Variants in GNB5 observed in about 807,000 individuals in gnomAD.
The protein encoded by GNB5 is guanine nucleotide-binding protein subunit beta-5.
GNB5 carries 37 observed loss-of-function variants against 55.3 expected under a neutral mutation model. The ratio of observed to expected loss-of-function variants is 0.67; its 90% CI spans 0.51 to 0.88. GNB5 has a LOEUF of 0.88. Among genes scored for constraint, GNB5 ranks in the 40% least tolerant of loss-of-function variants. The pLI, the probability that GNB5 is intolerant of heterozygous loss-of-function variation, is 0.00. For missense variants in GNB5, 476 were observed against 515.3 expected (o/e 0.92, Z 0.74); for synonymous variants, 219 against 198.5 (o/e 1.10, Z -0.87).
intron 3 of GNB5, among the ~76,000 whole-genome samples, chr15:52,160,212 T>C (rs1261043869): frequency 1.3e-5 from 2 of 152,140 alleles, no homozygotes; most frequent in African/African-American, 4.8e-5. Context: ...CCTCCCAAAG[T>C]GTTGGGATTA....
intron 3 of GNB5, among the ~76,000 whole-genome samples, chr15:52,167,913 C>A (rs1025949807): frequency 6.6e-6 from 1 of 152,032 alleles, no homozygotes; most frequent in African/African-American, 2.4e-5. Flanking sequence ...ACATGATTAC[C>A]TCGATAAGAC....
In GNB5 at chr15:52,121,899, T is replaced by A. The variant is rs2033279896; in HGVS notation, c.*858A>T. ...GAGCCACCGCGCCCGGCCATGAATATAATTTATATGGACAAGATTCACTTT... is the reference window on the plus strand; with the variant it reads ...GAGCCACCGCGCCCGGCCATGAATAAAATTTATATGGACAAGATTCACTTT... On this transcript the variant is annotated 3_prime_UTR_variant, in exon 13 of 13. Transcript: ENST00000261837. 1 of 152,192 alleles carries A rather than the reference T, an allele frequency of 6.6e-6. No individual in the cohort carries two copies. Among genetic ancestry groups the A allele is most frequent in the Non-Finnish European group, 1.5e-5 (1 of 68,042 alleles). 9.4% of individuals were successfully genotyped at this position (152,192 alleles called of 1,614,324 possible). A position where few individuals can be genotyped will look rare whatever the true frequency, so the allele number is the denominator to read the frequency against.
At chr15:52,170,327 G>A (rs1749356126) in intron 3 of GNB5, among the ~76,000 whole-genome samples, 1 of 152,126 alleles carries the variant, frequency 6.6e-6, no homozygotes, top group African/African-American at 2.4e-5. Flanking sequence ...GGTCATCAAT[G>A]ATAGACTGGA....
At position 52,118,971 on chromosome 15, in the gene GNB5, C is replaced by G. The variant is rs1023488931; in HGVS notation, c.*3786G>C. The G allele has an allele frequency of 2.1e-5, 3 of 142,660 alleles. No individual in the cohort carries two copies. The highest frequency in any genetic ancestry group is 3.3e-3 in the Middle Eastern group (1 of 306). 8.8% of individuals were successfully genotyped at this position (142,660 alleles called of 1,614,324 possible). A position where few individuals can be genotyped will look rare whatever the true frequency, so the allele number is the denominator to read the frequency against. Reference sequence around the variant, plus strand: ...CTAACTGATGAGAATTACTAATTTGCTATATGAGTGGGGGCTGCCTATGGA... The same window carrying G: ...CTAACTGATGAGAATTACTAATTTGGTATATGAGTGGGGGCTGCCTATGGA... On this transcript the variant is annotated 3_prime_UTR_variant, in exon 13 of 13. Transcript: ENST00000261837.
At position 52,163,283 on chromosome 15, in the gene GNB5, G is replaced by A. The variant is rs140472939; in HGVS notation, c.239-9207C>T. On this transcript the variant is annotated intron_variant, in intron 3 of 12. Transcript: ENST00000261837. ...AGCGTGGCCACACACGGAGACCCAGGAGTTTTCGCAAACTCCGGCCCAAGA... is the reference window on the plus strand; with the variant it reads ...AGCGTGGCCACACACGGAGACCCAGAAGTTTTCGCAAACTCCGGCCCAAGA... Among the ~76,000 whole-genome samples, 340 of 152,330 alleles carry A rather than the reference G, an allele frequency of 2.2e-3. 3 individuals are homozygous for A. The highest frequency in any genetic ancestry group is 3.7e-3 in the Admixed American group (56 of 15,306).
chr15:52,149,427 C>T, intron 5 of GNB5: 1 of 309,332 alleles, frequency 3.2e-6, no homozygotes, highest in Non-Finnish European at 5.9e-6. Flanking sequence ...GCAAGGGGAT[C>T]AGACTGCATC....
chr15:52,188,179 T>A (rs1021203876), intron 1 of GNB5, among the ~76,000 whole-genome samples: 1 of 152,176 alleles, frequency 6.6e-6, no homozygotes, highest in African/African-American at 2.4e-5. Context: ...CATTGCATAT[T>A]ACTGGAAAAC....
intron 3 of GNB5, among the ~76,000 whole-genome samples, chr15:52,178,251 G>A (rs958706358): frequency 6.6e-6 from 1 of 152,196 alleles, no homozygotes; most frequent in African/African-American, 2.4e-5. Context: ...AATTCTTTGT[G>A]CCTCAGTTTC....
rs571755048 is a variant in GNB5, at chr15:52,159,881, A to G, written c.239-5805T>C. On this transcript the variant is annotated intron_variant, in intron 3 of 12. Transcript: ENST00000261837. ...CTGGCAGGCGTGGTCATTAGAGGTG[A>G]TGTCACTGAAGCCTGGTTTGAAGGA... Among the ~76,000 whole-genome samples the G allele has an allele frequency of 4.0e-4, 61 of 151,744 alleles. 1 individual carries two copies. The South Asian group carries it at 0.012, about 30-fold the overall frequency.
intron 1 of GNB5, 141 bp downstream of exon 1, chr15:52,191,181 G>A (rs1366626693): frequency 2.7e-5 from 3 of 109,878 alleles, no homozygotes; most frequent in South Asian, 2.5e-4. Context: ...TAGATTCTAC[G>A]GATTAACAAC....
In GNB5 at chr15:52,119,206, G is replaced by C. The variant is rs2033204060; in HGVS notation, c.*3551C>G. 7.7e-6 allele frequency: 1 copy of C among 129,184 alleles called. No individual in the cohort carries two copies. The highest frequency in any genetic ancestry group is 2.9e-4 in the South Asian group (1 of 3,408). The allele number at this position is 129,184 out of a possible 1,614,324, so 8.0% of individuals were successfully genotyped here. On this transcript the variant is annotated 3_prime_UTR_variant, in exon 13 of 13. Transcript: ENST00000261837. ...AATGGGGGAAGATTGAGAAGGGTTA[G>C]AAAAAGGAGTCCGGATGAATGAGGA...
At chr15:52,123,284 T>C (rs533715625) in intron 12 of GNB5, among the ~76,000 whole-genome samples, 1 of 152,306 alleles carries the variant, frequency 6.6e-6, no homozygotes, top group African/African-American at 2.4e-5. Context: ...ATATAGAGCA[T>C]CAAATGACTA....
chr15:52,150,351 C>T (rs140254349), intron 4 of GNB5, among the ~76,000 whole-genome samples: 1 of 152,304 alleles, frequency 6.6e-6, no homozygotes, highest in African/African-American at 2.4e-5. Flanking sequence ...ACAACATCTC[C>T]ACTGCTTTGT....
intron 3 of GNB5, among the ~76,000 whole-genome samples, chr15:52,163,758 A>G (rs2034391936): frequency 6.6e-6 from 1 of 152,160 alleles, no homozygotes; most frequent in African/African-American, 2.4e-5. Flanking sequence ...CGGGTCCCTG[A>G]TCCCATTCCT....
At chr15:52,170,712 G>GA (rs879939707) in intron 3 of GNB5, among the ~76,000 whole-genome samples, 7,178 of 112,472 alleles carry the variant, frequency 0.064, 518 homozygotes, top group African/African-American at 0.2. Flanking sequence ...AAAAGCTGAA[G>GA]AAAAAAAAAA....
chr15:52,174,763 T>C (rs1324578437), intron 3 of GNB5, among the ~76,000 whole-genome samples: 1 of 152,080 alleles, frequency 6.6e-6, no homozygotes, highest in East Asian at 1.9e-4. Context: ...CAGGGTCTCC[T>C]GGGGTGCAGG....
chr15:52,154,137 GAC>G, intron 3 of GNB5, 61 bp from the exon 4 acceptor site: 1 of 1,536,024 alleles, frequency 6.5e-7, no homozygotes, highest in Non-Finnish European at 8.9e-7. Context: ...GCTTTGGGCT[GAC>G]ACAGCACAGA....
intron 8 of GNB5, 115 bp from the exon 9 acceptor site, chr15:52,133,584 A>C: frequency 1.4e-6 from 1 of 700,816 alleles, no homozygotes. Flanking sequence ...ATGGTTGACA[A>C]CACACTTTTC....
At chr15:52,168,142 T>G (rs576386489) in intron 3 of GNB5, among the ~76,000 whole-genome samples, 2 of 152,350 alleles carry the variant, frequency 1.3e-5, no homozygotes, top group African/African-American at 4.8e-5. Flanking sequence ...TACTGGAAGT[T>G]CTGGCCAGGG....
Sources: allele counts gnomAD v4.1 joint callset (sites outside exome capture counted in the v4.1 genomes callset), GRCh38; gene constraint gnomAD v4.1.1; transcripts MANE v1.5; gene names NCBI Gene and HGNC (gene_info 2026-07-23, HGNC 2026-07-21).